Variants in MYRIP observed in about 807,000 individuals in gnomAD.
The protein encoded by MYRIP is myosin VIIA and Rab interacting protein.
Under a neutral mutation model 98.0 loss-of-function variants are expected in MYRIP, and 49 were observed. The observed-to-expected ratio is 0.50, with a 90% CI of 0.40 to 0.63. The LOEUF (loss-of-function observed/expected upper bound fraction) is 0.63, where lower values mean the gene tolerates loss of function less well. Among genes scored for constraint, MYRIP ranks in the 30% least tolerant of loss-of-function variants. The pLI, the probability that MYRIP is intolerant of heterozygous loss-of-function variation, is 0.00. For synonymous variants in MYRIP, 404 were observed against 409.5 expected (o/e 0.99, Z 0.16); for missense variants, 1,004 against 1,058.2 (o/e 0.95, Z 0.71).
intron 3 of MYRIP, among the ~76,000 whole-genome samples, chr3:40,058,131 G>T (rs141973251): frequency 6.6e-6 from 1 of 152,014 alleles, no homozygotes; most frequent in Non-Finnish European, 1.5e-5. Context: ...TTTTTAGCAC[G>T]CAAACAATTT....
At chr3:40,176,835 G>C (rs1950772281) in intron 8 of MYRIP, among the ~76,000 whole-genome samples, 1 of 147,222 alleles carries the variant, frequency 6.8e-6, no homozygotes, top group South Asian at 2.1e-4. Context: ...CTTGAACCCA[G>C]GAGGCAGAGG....
At chr3:39,834,411 A>T (rs990943656) in intron 1 of MYRIP, among the ~76,000 whole-genome samples, 3 of 152,228 alleles carry the variant, frequency 2.0e-5, no homozygotes, top group African/African-American at 7.2e-5. Context: ...AATTTAACAA[A>T]CAAAACACTT....
At chr3:39,917,253 T>G (rs1944184284) in intron 2 of MYRIP, among the ~76,000 whole-genome samples, 1 of 151,864 alleles carries the variant, frequency 6.6e-6, no homozygotes, top group African/African-American at 2.4e-5. Flanking sequence ...GTCTGACTTA[T>G]GTAACAAGTC....
intron 9 of MYRIP, among the ~76,000 whole-genome samples, chr3:40,188,763 G>A (rs549111979): frequency 1.8e-5 from 2 of 114,036 alleles, no homozygotes; most frequent in Non-Finnish European, 4.1e-5. Context: ...GGCAACAAGA[G>A]TGAAACTCTG....
chr3:39,832,464 C>A (rs1941480491), intron 1 of MYRIP, among the ~76,000 whole-genome samples: 2 of 152,098 alleles, frequency 1.3e-5, no homozygotes, highest in African/African-American at 4.8e-5. Context: ...CTTGAGATGA[C>A]ATGCATTCAA....
chr3:39,858,013 C>T (rs971873588), intron 1 of MYRIP, among the ~76,000 whole-genome samples: 1 of 152,006 alleles, frequency 6.6e-6, no homozygotes, highest in African/African-American at 2.4e-5. Context: ...AAACAATGAA[C>T]AAAATAGCAA....
chr3:40,154,812 A>G (rs888731451), intron 4 of MYRIP, among the ~76,000 whole-genome samples: 9 of 152,116 alleles, frequency 5.9e-5, no homozygotes, highest in Non-Finnish European at 1.2e-4. Flanking sequence ...GACATTTTTA[A>G]CAGTTATCCT....
intron 2 of MYRIP, among the ~76,000 whole-genome samples, chr3:39,954,863 A>G (rs566097160): frequency 6.6e-6 from 1 of 152,312 alleles, no homozygotes; most frequent in South Asian, 2.1e-4. Context: ...TGGCACGAGA[A>G]CTACGTGACA....
At chr3:39,967,311 T>C (rs184632413) in intron 2 of MYRIP, among the ~76,000 whole-genome samples, 4 of 152,284 alleles carry the variant, frequency 2.6e-5, no homozygotes, top group Admixed American at 2.6e-4. Flanking sequence ...TTCTTATCAC[T>C]TAGCACCCAT....
intron 3 of MYRIP, among the ~76,000 whole-genome samples, chr3:40,100,819 G>C (rs745371473): frequency 2.2e-4 from 33 of 152,200 alleles, no homozygotes; most frequent in Non-Finnish European, 4.3e-4. Flanking sequence ...AGATGACACA[G>C]CATGATACTA....
chr3:40,167,112 C>T, intron 6 of MYRIP, 47 bp from the exon 7 acceptor site: 1 of 1,588,278 alleles, frequency 6.3e-7, no homozygotes, highest in Non-Finnish European at 8.6e-7. Context: ...ACTGCCAAGT[C>T]ACCCCAAATC....
intron 1 of MYRIP, among the ~76,000 whole-genome samples, chr3:39,867,829 C>A (rs1216048566): frequency 6.6e-6 from 1 of 152,178 alleles, no homozygotes; most frequent in African/African-American, 2.4e-5. Context: ...ATCATTATTT[C>A]AAAGACATAT....
chr3:40,118,887 T>A (rs1949339114), intron 3 of MYRIP, among the ~76,000 whole-genome samples: 1 of 152,036 alleles, frequency 6.6e-6, no homozygotes, highest in Non-Finnish European at 1.5e-5. Context: ...GCTTCATCCA[T>A]GTCCCTACAA....
chr3:40,182,644 G>A (rs1171757593), intron 9 of MYRIP, among the ~76,000 whole-genome samples: 1 of 152,178 alleles, frequency 6.6e-6, no homozygotes, highest in African/African-American at 2.4e-5. Flanking sequence ...AGACCTGTGG[G>A]ACAGATTGGG....
At chr3:40,113,753 T>A (rs1050028210) in intron 3 of MYRIP, among the ~76,000 whole-genome samples, 3 of 152,054 alleles carry the variant, frequency 2.0e-5, no homozygotes, top group Non-Finnish European at 4.4e-5. Flanking sequence ...GCAGTGGTGC[T>A]ATCTTGGCTC....
At chr3:40,108,728 AG>A (rs1479257171) in intron 3 of MYRIP, among the ~76,000 whole-genome samples, 3 of 152,210 alleles carry the variant, frequency 2.0e-5, no homozygotes, top group African/African-American at 7.2e-5. Context: ...GGATTATTTA[AG>A]GAGGGAGTGG....
intron 2 of MYRIP, among the ~76,000 whole-genome samples, chr3:39,945,200 C>T (rs780713719): frequency 3.4e-4 from 51 of 148,292 alleles, no homozygotes; most frequent in East Asian, 4.0e-4. Context: ...CTGGGCACAG[C>T]GGGTCATGCC....
chr3:39,896,566 A>G (rs1943615985), intron 1 of MYRIP, among the ~76,000 whole-genome samples: 1 of 152,148 alleles, frequency 6.6e-6, no homozygotes, highest in Admixed American at 6.5e-5. Flanking sequence ...AGGTTTCTCT[A>G]TAGTTGTAAG....
At chr3:40,133,776 T>C (rs1949699318) in intron 3 of MYRIP, among the ~76,000 whole-genome samples, 1 of 152,186 alleles carries the variant, frequency 6.6e-6, no homozygotes, top group Non-Finnish European at 1.5e-5. Flanking sequence ...TGTTTGGTCG[T>C]ACTGTGGAAT....
Sources: allele counts gnomAD v4.1 joint callset (sites outside exome capture counted in the v4.1 genomes callset), GRCh38; gene constraint gnomAD v4.1.1; transcripts MANE v1.5; gene names NCBI Gene and HGNC (gene_info 2026-07-23, HGNC 2026-07-21).